CNOT6: variants seen among roughly 807,000 people sequenced by gnomAD.
CNOT6 encodes carbon catabolite repression 4 protein.
Under a neutral mutation model 61.2 loss-of-function variants are expected in CNOT6, and 12 were observed. The ratio of observed to expected loss-of-function variants is 0.20; its 90% CI spans 0.13 to 0.32. CNOT6 has a LOEUF of 0.32. Among genes scored for constraint, CNOT6 ranks in the 10% least tolerant of loss-of-function variants. The probability of loss-of-function intolerance (pLI) is 1.00; values close to 1 mark genes in which losing one functional copy is unlikely to be tolerated. For missense variants in CNOT6, 405 were observed against 663.9 expected (o/e 0.61, Z 4.28); for synonymous variants, 225 against 240.6 (o/e 0.94, Z 0.60).
chr5:180,553,510 T>C, intron 4 of CNOT6, 39 bp downstream of exon 4: 1 of 1,485,820 alleles, frequency 6.7e-7, no homozygotes, highest in Non-Finnish European at 9.3e-7. Context: ...GGTTTGTGTA[T>C]ATGTCTTTGA....
rs1219642845 is a variant in CNOT6 at position 180,575,616 on chromosome 5, TA to T, written c.*1421del. ...AGTCATTTTAGTATGTCAAGCAAGA[TA>T]AAAATTACATCATACCGTCTATTTT... On this transcript the variant is annotated 3_prime_UTR_variant, in exon 12 of 12. Coordinates refer to ENST00000261951, the MANE Select transcript of CNOT6 (RefSeq NM_001370472.1). The T allele has an allele frequency of 6.6e-6, 1 of 152,628 alleles. No individual in the cohort carries two copies. Among genetic ancestry groups the T allele is most frequent in the Non-Finnish European group, 1.5e-5 (1 of 68,044 alleles). The allele number at this position is 152,628 out of a possible 1,614,324, so 9.5% of individuals were successfully genotyped here.
At chr5:180,501,664 A>T (rs1171847354) in intron 1 of CNOT6, among the ~76,000 whole-genome samples, 1 of 152,226 alleles carries the variant, frequency 6.6e-6, no homozygotes, top group East Asian at 1.9e-4. Context: ...GAATGAAAGT[A>T]TGCATATATG....
At chr5:180,513,877 G>A (rs1257547631) in intron 1 of CNOT6, among the ~76,000 whole-genome samples, 2 of 151,130 alleles carry the variant, frequency 1.3e-5, no homozygotes, top group Non-Finnish European at 2.9e-5. Context: ...CTAATTTTTT[G>A]TATTTTTGGT....
chr5:180,569,325 TC>T lies in CNOT6; in HGVS notation c.1244del (p.Ser415PhefsTer8). The T allele has an allele frequency of 6.2e-7, 1 of 1,605,636 alleles. No homozygotes were observed. Among genetic ancestry groups the T allele is most frequent in the Non-Finnish European group, 8.5e-7 (1 of 1,172,940 alleles). On this transcript the variant is annotated frameshift_variant, in exon 10 of 12. Coordinates refer to ENST00000261951, the MANE Select transcript of CNOT6 (RefSeq NM_001370472.1). LOFTEE classifies it high-confidence loss of function. ...IPLVLCADLN[S>X]LPDSGVVEYL... ...ACTTGTGTTATGTGCAGATCTTAAT[TC>T]TTTGCCAGACTCTGGTAAGAAAATA...
chr5:180,563,522 A>G (rs7705521), intron 4 of CNOT6, among the ~76,000 whole-genome samples: 70,953 of 152,006 alleles, frequency 0.47, 17,578 homozygotes, highest in Non-Finnish European at 0.56. Context: ...GATTACAGGC[A>G]TGTCTTCCTT....
intron 9 of CNOT6, among the ~76,000 whole-genome samples, chr5:180,568,741 A>T (rs191370478): frequency 6.6e-6 from 1 of 152,170 alleles, no homozygotes; most frequent in Non-Finnish European, 1.5e-5. Flanking sequence ...TATAGAAAAA[A>T]TGGAAATAGG....
chr5:180,512,788 G>A (rs1757453263), intron 1 of CNOT6, among the ~76,000 whole-genome samples: 1 of 151,942 alleles, frequency 6.6e-6, no homozygotes, highest in African/African-American at 2.4e-5. Context: ...AGTAGAGACA[G>A]GGTTTCTCCA....
In CNOT6 at chr5:180,561,356, T is replaced by TTGTGTGTGTGTGTG. The variant is rs35909953; in HGVS notation, c.386-3109_386-3096dup. On this transcript the variant is annotated intron_variant, in intron 4 of 11. Transcript: ENST00000261951. ...CAGTCTTCCTGTTTTCTTGTGTGTT[T>TTGTGTGTGTGTGTG]TGTGTGTGTGTGTGTGTGTGTGTGT... Among the ~76,000 whole-genome samples, 93 of 144,838 alleles carry TTGTGTGTGTGTGTG rather than the reference T, an allele frequency of 6.4e-4. 1 individual carries two copies. The highest frequency in any genetic ancestry group is 1.2e-3 in the African/African-American group (46 of 38,840).
At chr5:180,533,042 G>T (rs1353391244) in intron 2 of CNOT6, among the ~76,000 whole-genome samples, 1 of 152,118 alleles carries the variant, frequency 6.6e-6, no homozygotes, top group Non-Finnish European at 1.5e-5. Context: ...CATAGGCATG[G>T]TTGACAGCTG....
At chr5:180,500,547 CCTT>C (rs1328443627) in intron 1 of CNOT6, among the ~76,000 whole-genome samples, 1 of 151,748 alleles carries the variant, frequency 6.6e-6, no homozygotes, top group Non-Finnish European at 1.5e-5. Flanking sequence ...ACGCCATTCT[CCTT>C]CAGCCTCCTG....
chr5:180,504,576 T>C (rs1418612681), intron 1 of CNOT6, among the ~76,000 whole-genome samples: 3 of 152,198 alleles, frequency 2.0e-5, no homozygotes, highest in East Asian at 3.8e-4. Flanking sequence ...GGCATAAATA[T>C]TAAGGTGCTG....
chr5:180,546,674 A>G (rs1360016243), intron 2 of CNOT6, among the ~76,000 whole-genome samples: 6 of 152,226 alleles, frequency 3.9e-5, no homozygotes, highest in Non-Finnish European at 8.8e-5. Flanking sequence ...ATACCCACGT[A>G]TTCACTATTT....
intron 1 of CNOT6, among the ~76,000 whole-genome samples, chr5:180,497,880 C>A (rs562689425): frequency 3.3e-5 from 5 of 152,060 alleles, no homozygotes; most frequent in Non-Finnish European, 2.9e-5. Flanking sequence ...CCTGTCTCTA[C>A]TAAAAATACA....
chr5:180,548,946 G>T (rs1335260182), intron 2 of CNOT6, among the ~76,000 whole-genome samples: 2 of 152,234 alleles, frequency 1.3e-5, no homozygotes, highest in Non-Finnish European at 2.9e-5. Context: ...AATTTATCAA[G>T]AAGTGTCAAA....
chr5:180,515,033 G>A (rs1236226450), intron 1 of CNOT6, among the ~76,000 whole-genome samples: 1 of 152,132 alleles, frequency 6.6e-6, no homozygotes, highest in African/African-American at 2.4e-5. Context: ...GCTTACAGAG[G>A]CTGTAACATG....
In CNOT6 at chr5:180,575,682, T is replaced by C. The variant is rs1225168831; in HGVS notation, c.*1482T>C. 1 of 152,616 alleles carries C rather than the reference T, an allele frequency of 6.6e-6. No individual in the cohort carries two copies. The highest frequency in any genetic ancestry group is 1.5e-5 in the Non-Finnish European group (1 of 68,026). 9.5% of individuals were successfully genotyped at this position (152,616 alleles called of 1,614,324 possible). A position where few individuals can be genotyped will look rare whatever the true frequency, so the allele number is the denominator to read the frequency against. On this transcript the variant is annotated 3_prime_UTR_variant, in exon 12 of 12. Transcript: ENST00000261951. ...TTAGAGATGAAAACCAGCTTTAACT[T>C]TGCAAAGTGAACATGTACATGGTCT...
chr5:180,552,366 A>G (rs565710847), intron 3 of CNOT6, among the ~76,000 whole-genome samples: 29 of 151,526 alleles, frequency 1.9e-4, no homozygotes, highest in African/African-American at 6.3e-4. Flanking sequence ...TAGGCTGGGC[A>G]CGATGGCTCA....
intron 1 of CNOT6, among the ~76,000 whole-genome samples, chr5:180,514,004 T>G (rs958598876): frequency 1.3e-5 from 2 of 150,430 alleles, no homozygotes; most frequent in Non-Finnish European, 3.0e-5. Flanking sequence ...GCCCAGCCCA[T>G]TTTTATTTTT....
rs1561671570 is a variant in CNOT6, at chr5:180,576,144, T to C, written c.*1944T>C. 1 of 152,314 alleles carries C rather than the reference T, an allele frequency of 6.6e-6. No homozygotes were observed. Among genetic ancestry groups the C allele is most frequent in the African/African-American group, 2.4e-5 (1 of 41,314 alleles). The allele number at this position is 152,314 out of a possible 1,614,324, so 9.4% of individuals were successfully genotyped here. ...ATAACTTTTTATGGGGTTTTGTTAT[T>C]GGTTTTTTTTTGTAAAGTGTGAATA... On this transcript the variant is annotated 3_prime_UTR_variant, in exon 12 of 12. Coordinates refer to ENST00000261951, the MANE Select transcript of CNOT6 (RefSeq NM_001370472.1).
Sources: allele counts gnomAD v4.1 joint callset (sites outside exome capture counted in the v4.1 genomes callset), GRCh38; gene constraint gnomAD v4.1.1; transcripts MANE v1.5; gene names NCBI Gene and HGNC (gene_info 2026-07-23, HGNC 2026-07-21).